The following DMD variants were observed in gnomAD, a reference collection of about 807,000 sequenced individuals.
DMD encodes the protein mutant dystrophin.
Under a neutral mutation model 330.1 loss-of-function variants are expected in DMD, and 63 were observed. The observed-to-expected ratio is 0.19, with a 90% CI of 0.16 to 0.24. The LOEUF is 0.24. Ranked by LOEUF, DMD falls within the 10% of genes least tolerant of loss-of-function variation. The probability of loss-of-function intolerance (pLI) is 1.00; values close to 1 mark genes in which losing one functional copy is unlikely to be tolerated. For synonymous variants in DMD, 1,223 were observed against 959.8 expected, an observed-to-expected ratio of 1.27 and a Z score of -5.07; for missense variants, 3,344 against 2,684.1, an observed-to-expected ratio of 1.25 and a Z score of -5.43.
Position 32,342,116 on chromosome X carries a change from A to G in DMD, c.5906T>C (p.Leu1969Pro). The change falls in exon 41 of 79, where the codon CTC becomes CCC. Residue 1969 changes from leucine to proline, a missense_variant. Transcript: ENST00000357033. The stretch of plus-strand genomic sequence containing the variant: ...ACAACTCACAATTTGTGCAAAGTTG[A>G]GTCTTCGAAACTGAGCAAATTTGCT... Reference protein sequence around the residue: ...IESKFAQFRRLNFAQIHTVRE... With the variant: ...IESKFAQFRRPNFAQIHTVRE... 1.7e-6 allele frequency: 2 copies of G among 1,208,919 alleles called. No individual in the cohort carries two copies. Among genetic ancestry groups the G allele is most frequent in the African/African-American group, 3.5e-5 (2 of 57,629 alleles).
Position 32,177,316 on chromosome X carries a change from C to A in DMD, c.6438+39600G>T, listed in dbSNP as rs1021538067. Among the ~76,000 whole-genome samples, 5 of 112,036 alleles carry A rather than the reference C, an allele frequency of 4.5e-5. No individual in the cohort carries two copies. In the South Asian group the frequency reaches 1.9e-3, roughly 42 times the overall value. Reference sequence around the variant, plus strand: ...AACCACGTGACAAAGCCCTTCTGGGCAGAGAAAAAACTCCCAACAGGACCC... The same window carrying A: ...AACCACGTGACAAAGCCCTTCTGGGAAGAGAAAAAACTCCCAACAGGACCC... On this transcript the variant is annotated intron_variant, in intron 44 of 78. Transcript: ENST00000357033.
At chrX:32,817,034 G>A (rs974351005) in intron 5 of DMD, among the ~76,000 whole-genome samples, 2 of 111,324 alleles carry the variant, frequency 1.8e-5, no homozygotes, top group African/African-American at 6.6e-5. Flanking sequence ...GAATACTATA[G>A]ATAATTGTTT....
chrX:32,680,827 C>G (rs2062360829), intron 9 of DMD, among the ~76,000 whole-genome samples: 1 of 111,085 alleles, frequency 9.0e-6, no homozygotes, highest in Non-Finnish European at 1.9e-5. Context: ...CACACACACA[C>G]AGTCAAAGTT....
At chrX:32,845,248 C>A (rs1251941059) in intron 3 of DMD, among the ~76,000 whole-genome samples, 1 of 111,763 alleles carries the variant, frequency 8.9e-6, no homozygotes, top group Non-Finnish European at 1.9e-5. Flanking sequence ...TTGACTCTAG[C>A]AAAATTATAT....
intron 21 of DMD, among the ~76,000 whole-genome samples, chrX:32,482,354 G>C (rs889443875): frequency 9.0e-6 from 1 of 111,164 alleles, no homozygotes; most frequent in African/African-American, 3.3e-5. Flanking sequence ...ATTTCTGCCT[G>C]TACAGATTTG....
intron 55 of DMD, among the ~76,000 whole-genome samples, chrX:31,601,126 T>C (rs981873187): frequency 2.7e-5 from 3 of 111,978 alleles, no homozygotes; most frequent in African/African-American, 9.7e-5. Flanking sequence ...GGCATGAAAG[T>C]TATCAGTAAA....
rs768700595 is a variant in DMD, at chrX:32,730,565, T to G, written c.650-31272A>C. ...ATGACGTTGAATCACATTTTGGAAA[T>G]AGTAAGATGTTTGCCCTAGGAATAA... On this transcript the variant is annotated intron_variant, in intron 7 of 78. Coordinates refer to ENST00000357033, the MANE Select transcript of DMD (RefSeq NM_004006.3). 3.6e-5 allele frequency among the ~76,000 whole-genome samples: 4 copies of G among 111,615 alleles called. No individual in the cohort carries two copies. In the South Asian group the frequency reaches 1.5e-3, roughly 42 times the overall value.
chrX:31,517,402 G>A (rs2072326116), intron 55 of DMD, among the ~76,000 whole-genome samples: 1 of 111,803 alleles, frequency 8.9e-6, no homozygotes, highest in Non-Finnish European at 1.9e-5. Context: ...GAAGATGGGA[G>A]CCAGAGCTAC....
At chrX:31,217,773 G>C (rs936789416) in intron 64 of DMD, among the ~76,000 whole-genome samples, 5 of 111,946 alleles carry the variant, frequency 4.5e-5, no homozygotes, top group Non-Finnish European at 9.4e-5. Context: ...AAAGGATGGG[G>C]TGAACTCTTC....
At chrX:32,129,291 T>G (rs1323641265) in intron 44 of DMD, among the ~76,000 whole-genome samples, 6 of 111,517 alleles carry the variant, frequency 5.4e-5, no homozygotes, top group Non-Finnish European at 1.1e-4. Flanking sequence ...ATGCATTGAT[T>G]CAATAAAATT....
intron 7 of DMD, among the ~76,000 whole-genome samples, chrX:32,731,035 C>G (rs1055955922): frequency 9.0e-6 from 1 of 111,323 alleles, no homozygotes; most frequent in African/African-American, 3.3e-5. Context: ...AGACAGTGGG[C>G]GCAGCTCAGT....
At chrX:32,537,105 C>T (rs1160882593) in intron 17 of DMD, among the ~76,000 whole-genome samples, 2 of 111,767 alleles carry the variant, frequency 1.8e-5, no homozygotes, top group African/African-American at 6.5e-5. Flanking sequence ...TGAATGGCTG[C>T]ACAGGTTGCT....
intron 55 of DMD, among the ~76,000 whole-genome samples, chrX:31,600,718 T>C (rs2077318117): frequency 9.2e-6 from 1 of 108,907 alleles, no homozygotes; most frequent in Non-Finnish European, 1.9e-5. Context: ...CCTTCATCTC[T>C]TTTTCCCTGA....
chrX:32,862,966 TGACCTC>T (rs1373316122), intron 2 of DMD, among the ~76,000 whole-genome samples: 2 of 110,621 alleles, frequency 1.8e-5, no homozygotes, highest in Non-Finnish European at 3.8e-5. Flanking sequence ...CTCGACCTCC[TGACCTC>T]GTGATCCACC....
intron 7 of DMD, among the ~76,000 whole-genome samples, chrX:32,779,336 A>G (rs1034194866): frequency 2.7e-5 from 3 of 110,204 alleles, no homozygotes; most frequent in Middle Eastern, 4.7e-3. Flanking sequence ...ATTTATATTA[A>G]TATGCTAGCA....
intron 19 of DMD, among the ~76,000 whole-genome samples, chrX:32,496,159 G>T (rs2148660908): frequency 8.9e-6 from 1 of 112,104 alleles, no homozygotes; most frequent in African/African-American, 3.2e-5. Context: ...TTAAAGTGAA[G>T]TATTCCTCAT....
intron 55 of DMD, among the ~76,000 whole-genome samples, chrX:31,544,603 T>C (rs2074040732): frequency 9.0e-6 from 1 of 111,392 alleles, no homozygotes; most frequent in African/African-American, 3.3e-5. Context: ...CTTTGTCCAG[T>C]CATACTGGAC....
At chrX:32,610,084 C>T (rs2057044314) in intron 12 of DMD, among the ~76,000 whole-genome samples, 1 of 111,292 alleles carries the variant, frequency 9.0e-6, no homozygotes, top group Non-Finnish European at 1.9e-5. Context: ...GAGGGAAATC[C>T]TTTCATTCTT....
chrX:33,274,021 T>C (rs2053198927), intron 1 of DMD, among the ~76,000 whole-genome samples: 1 of 112,016 alleles, frequency 8.9e-6, no homozygotes, highest in Non-Finnish European at 1.9e-5. Flanking sequence ...TTTCCCAGCA[T>C]ACATAAGAGA....
Sources: gnomAD v4.1 joint callset for allele counts (sites outside exome capture counted in the v4.1 genomes callset) on GRCh38, gnomAD v4.1.1 for gene constraint, MANE v1.5 for transcripts, NCBI Gene and HGNC (gene_info 2026-07-23, HGNC 2026-07-21) for gene names.